The following ZBBX variants were observed in gnomAD, a reference collection of about 807,000 sequenced individuals.
ZBBX encodes the protein zinc finger B-box domain containing.
In ZBBX, 101 loss-of-function variants were observed where a neutral mutation model predicts 108.5. The observed-to-expected ratio is 0.93, with a 90% CI of 0.79 to 1.10. The LOEUF (loss-of-function observed/expected upper bound fraction) is 1.10, where lower values mean the gene tolerates loss of function less well. ZBBX is among the 50% of genes least tolerant of loss of function. The probability of loss-of-function intolerance (pLI) is 0.00; values close to 1 mark genes in which losing one functional copy is unlikely to be tolerated. For missense variants in ZBBX, 1,009 were observed against 941.4 expected (o/e 1.07, Z -0.94); for synonymous variants, 356 against 323.4 (o/e 1.10, Z -1.08).
the ZBBX span, among the ~76,000 whole-genome samples, chr3:167,212,868 C>T: frequency 1.3e-5 from 2 of 152,154 alleles, no homozygotes; most frequent in African/African-American, 4.8e-5. Flanking sequence ...AGTCTACCAC[C>T]TGACCAATAA....
In ZBBX at chr3:167,359,911, C is replaced by A; in HGVS notation, c.391G>T (p.Gly131Trp). ...TTCTCACACTGTCCACATACTTTCC[C>A]ATTTATCTTGGGTTTTTCACATTCT... ...SSECEKPKIN[G>W]KVCGQCENKA... Residue 131 changes from glycine (G) to tryptophan (W), a missense_variant, in exon 8 of 22, where the codon GGG becomes TGG. Gly to Trp is a radical substitution (Grantham distance 184). Transcript: ENST00000675490. 6.4e-7 allele frequency: 1 copy of A among 1,573,248 alleles called. No homozygotes were observed. Among genetic ancestry groups the A allele is most frequent in the Non-Finnish European group, 8.6e-7 (1 of 1,157,106 alleles).
At chr3:167,233,552 T>A in the ZBBX span, among the ~76,000 whole-genome samples, 1 of 151,676 alleles carries the variant, frequency 6.6e-6, no homozygotes, top group African/African-American at 2.4e-5. Flanking sequence ...CTGTCCCAGG[T>A]CCCAGAAACT....
intron 20 of ZBBX, among the ~76,000 whole-genome samples, chr3:167,252,805 TAAAAATG>T (rs199958096): frequency 0.014 from 2,123 of 152,268 alleles, 27 homozygotes; most frequent in South Asian, 0.026. Context: ...AGATAATTTT[TAAAAATG>T]GAAAAGCTGG....
chr3:167,230,064 C>T, the ZBBX span, among the ~76,000 whole-genome samples: 3 of 151,962 alleles, frequency 2.0e-5, no homozygotes, highest in East Asian at 5.8e-4. Flanking sequence ...AGCATCCCCA[C>T]TTACTGCTCA....
chr3:167,271,335 T>G (rs985344364), intron 20 of ZBBX, among the ~76,000 whole-genome samples: 1 of 152,336 alleles, frequency 6.6e-6, no homozygotes, highest in East Asian at 1.9e-4. Context: ...AGCCTTTCTT[T>G]TGAAAGCTAG....
chr3:167,193,774 C>A, the ZBBX span, among the ~76,000 whole-genome samples: 9 of 152,088 alleles, frequency 5.9e-5, no homozygotes, highest in Non-Finnish European at 1.2e-4. Context: ...CCTATATAAT[C>A]AGTGGAAAAC....
chr3:167,253,952 G>A (rs933272661), intron 20 of ZBBX, among the ~76,000 whole-genome samples: 1 of 152,074 alleles, frequency 6.6e-6, no homozygotes, highest in African/African-American at 2.4e-5. Context: ...CTCAAAGATG[G>A]AGCAACAACA....
At chr3:167,301,093 T>C (rs79813334) in intron 17 of ZBBX, among the ~76,000 whole-genome samples, 3,239 of 152,244 alleles carry the variant, frequency 0.021, 56 homozygotes, top group Non-Finnish European at 0.036. Context: ...CACCCTCTGA[T>C]AAGCCCCAGT....
intron 17 of ZBBX, among the ~76,000 whole-genome samples, chr3:167,299,706 C>T (rs187028882): frequency 1.3e-5 from 2 of 152,172 alleles, no homozygotes; most frequent in East Asian, 3.9e-4. Context: ...AACTGAAGTA[C>T]AAAATGAACA....
At position 167,282,260 on chromosome 3, in the gene ZBBX, T is replaced by C. The variant is rs1201417343; in HGVS notation, c.2232A>G (p.Leu744=). The C allele has an allele frequency of 2.5e-6, 4 of 1,612,616 alleles. No individual in the cohort carries two copies. Among genetic ancestry groups the C allele is most frequent in the African/African-American group, 2.7e-5 (2 of 74,808 alleles). ...TACCTGCAAGAGATCTCAGCACTTGTAATTCTTTTTCCAAATTGTCTAAAG... is the reference window on the plus strand; with the variant it reads ...TACCTGCAAGAGATCTCAGCACTTGCAATTCTTTTTCCAAATTGTCTAAAG... ...QHTLDNLEKE[L]QVLRSLADTS... is the part of the protein sequence containing the mutation. The change falls in exon 20 of 22, where the codon TTA becomes TTG. Residue 744 remains leucine (L), a synonymous_variant. Coordinates refer to ENST00000675490, the MANE Select transcript of ZBBX (RefSeq NM_001199201.2).
intron 20 of ZBBX, among the ~76,000 whole-genome samples, chr3:167,263,314 T>G (rs1052152672): frequency 6.6e-6 from 1 of 152,172 alleles, no homozygotes; most frequent in Non-Finnish European, 1.5e-5. Flanking sequence ...GATACAGGTT[T>G]TATTTATTTG....
intron 20 of ZBBX, among the ~76,000 whole-genome samples, chr3:167,260,106 G>C (rs1724212232): frequency 6.6e-6 from 1 of 152,148 alleles, no homozygotes; most frequent in Admixed American, 6.5e-5. Flanking sequence ...AGTTTCACTG[G>C]ATACAAAATT....
downstream of ZBBX, among the ~76,000 whole-genome samples, chr3:167,239,463 G>A (rs1376956461): frequency 6.6e-6 from 1 of 151,782 alleles, no homozygotes; most frequent in African/African-American, 2.4e-5. Context: ...TTCTCAGCCT[G>A]CTCAATATGA....
chr3:167,305,937 G>A lies in ZBBX; in HGVS notation c.1431C>T (p.Asn477=), dbSNP rs757224627. ...GATCCACGATGTTGTCAAAATCTGTGTTTGAAGTTTCTGCTGTTAAAAACA... is the reference window on the plus strand; with the variant it reads ...GATCCACGATGTTGTCAAAATCTGTATTTGAAGTTTCTGCTGTTAAAAACA... The part of the protein sequence containing the change: ...YKDNSKAETS[N]TDFDNIVDPD... The change falls in exon 17 of 22, where the codon AAC becomes AAT. Residue 477 remains asparagine (N), a synonymous_variant. Transcript: ENST00000675490. The A allele has an allele frequency of 6.5e-6, 10 of 1,541,730 alleles. No individual in the cohort carries two copies. In the South Asian group the frequency reaches 1.3e-4, roughly 20 times the overall value.
At chr3:167,182,734 A>G in the ZBBX span, among the ~76,000 whole-genome samples, 2 of 152,228 alleles carry the variant, frequency 1.3e-5, no homozygotes, top group African/African-American at 4.8e-5. Context: ...CTTGAGTAAG[A>G]GTGTCCCAGT....
At chr3:167,197,509 G>C in the ZBBX span, among the ~76,000 whole-genome samples, 1 of 152,098 alleles carries the variant, frequency 6.6e-6, no homozygotes, top group Non-Finnish European at 1.5e-5. Flanking sequence ...CCACATTCCA[G>C]TCTGGGCAAC....
chr3:167,222,028 T>C, the ZBBX span, among the ~76,000 whole-genome samples: 4 of 151,860 alleles, frequency 2.6e-5, no homozygotes, highest in South Asian at 2.1e-4. Context: ...ACACTAAAAA[T>C]ATGATCCAGC....
At chr3:167,355,136 G>A (rs1743324300) in intron 8 of ZBBX, among the ~76,000 whole-genome samples, 1 of 151,912 alleles carries the variant, frequency 6.6e-6, no homozygotes, top group Non-Finnish European at 1.5e-5. Context: ...GAATCCATTT[G>A]AGTTTAATTA....
chr3:167,335,033 G>T (rs1296142589), intron 9 of ZBBX, among the ~76,000 whole-genome samples: 2 of 151,996 alleles, frequency 1.3e-5, no homozygotes, highest in Non-Finnish European at 2.9e-5. Context: ...ACTCCAACAA[G>T]TCTAGGAACC....
Sources: gnomAD v4.1 joint callset for allele counts (sites outside exome capture counted in the v4.1 genomes callset) on GRCh38, gnomAD v4.1.1 for gene constraint, MANE v1.5 for transcripts, NCBI Gene and HGNC (gene_info 2026-07-23, HGNC 2026-07-21) for gene names.